Variants in RBFOX1 observed in about 807,000 individuals in gnomAD.
The protein encoded by RBFOX1 is RNA binding protein fox-1 homolog 1.
RBFOX1 carries 8 observed loss-of-function variants against 57.7 expected under a neutral mutation model. The ratio of observed to expected loss-of-function variants is 0.14; its 90% confidence interval spans 0.08 to 0.25. The LOEUF (loss-of-function observed/expected upper bound fraction) is 0.25. Among genes scored for constraint, RBFOX1 ranks in the 10% least tolerant of loss-of-function variants. The pLI, the probability that RBFOX1 is intolerant of heterozygous loss-of-function variation, is 1.00. For missense variants in RBFOX1, 611 were observed against 548.5 expected, an observed-to-expected ratio of 1.11 and a Z score of -1.14; for synonymous variants, 326 against 222.4, an observed-to-expected ratio of 1.47 and a Z score of -4.15.
At chr16:7,008,098 C>T (rs560401728) in intron 3 of RBFOX1, among the ~76,000 whole-genome samples, 169 of 152,172 alleles carry the variant, frequency 1.1e-3, no homozygotes, top group South Asian at 2.1e-3. Context: ...ACTCCTCTTG[C>T]CCTTTATTGT....
intron 2 of RBFOX1, among the ~76,000 whole-genome samples, chr16:6,540,812 CT>C (rs896275288): frequency 2.2e-4 from 33 of 151,958 alleles, no homozygotes; most frequent in Non-Finnish European, 4.0e-4. Context: ...TCTAGCTGTA[CT>C]TTTTTTTGCT....
At chr16:7,038,385 C>A (rs1194367106) in intron 3 of RBFOX1, among the ~76,000 whole-genome samples, 1 of 152,140 alleles carries the variant, frequency 6.6e-6, no homozygotes, top group African/African-American at 2.4e-5. Context: ...AAATAGAAAT[C>A]ATCTTTGTAA....
chr16:6,770,414 G>A (rs530384952), intron 3 of RBFOX1, among the ~76,000 whole-genome samples: 3 of 152,304 alleles, frequency 2.0e-5, no homozygotes, highest in African/African-American at 4.8e-5. Context: ...CTGTAATAAA[G>A]TTGTATTATG....
At chr16:5,616,792 CCTT>C (rs1372962479) in intron 3 of RBFOX1, among the ~76,000 whole-genome samples, 3 of 147,858 alleles carry the variant, frequency 2.0e-5, no homozygotes, top group Admixed American at 1.3e-4. Context: ...TCCTCTTTCT[CCTT>C]CTCCTCTCTT....
At chr16:6,981,082 G>A (rs1483911655) in intron 3 of RBFOX1, among the ~76,000 whole-genome samples, 1 of 137,928 alleles carries the variant, frequency 7.3e-6, no homozygotes, top group Non-Finnish European at 1.5e-5. Flanking sequence ...CAGGAGTGGT[G>A]AGATCCAGTA....
At chr16:6,737,660 G>A (rs1028328156) in intron 3 of RBFOX1, among the ~76,000 whole-genome samples, 1 of 152,130 alleles carries the variant, frequency 6.6e-6, no homozygotes, top group Non-Finnish European at 1.5e-5. Flanking sequence ...GTGTTAATCA[G>A]GTTCAATATA....
intron 3 of RBFOX1, among the ~76,000 whole-genome samples, chr16:6,745,889 C>T (rs1014659860): frequency 6.6e-6 from 1 of 152,088 alleles, no homozygotes; most frequent in Non-Finnish European, 1.5e-5. Context: ...TTTATGCTCT[C>T]TAAAACAGAA....
At chr16:7,308,736 A>C (rs991477431) in intron 4 of RBFOX1, among the ~76,000 whole-genome samples, 1 of 152,216 alleles carries the variant, frequency 6.6e-6, no homozygotes, top group African/African-American at 2.4e-5. Context: ...TTCTCAGTTC[A>C]GGGAATCACC....
At chr16:6,959,187 A>G (rs797010061) in intron 3 of RBFOX1, among the ~76,000 whole-genome samples, 12 of 152,284 alleles carry the variant, frequency 7.9e-5, no homozygotes, top group African/African-American at 2.6e-4. Context: ...CATCTGTGAA[A>G]TACTCGCTCG....
chr16:6,832,876 G>A (rs576351163), intron 3 of RBFOX1, among the ~76,000 whole-genome samples: 1 of 152,312 alleles, frequency 6.6e-6, no homozygotes, highest in East Asian at 1.9e-4. Flanking sequence ...GCTAGACCTT[G>A]GTTCTGGATT....
rs149684498 is a variant in RBFOX1, at chr16:5,789,642, T to C, written c.319-77661T>C. On this transcript the variant is annotated intron_variant, in intron 3 of 19. Transcript: ENST00000641259. Reference sequence around the variant, plus strand: ...TTAAGCTTTTTCCCCAGTCGTATCTTGTTCATGACTCATGACTATGCATTA... The same window carrying C: ...TTAAGCTTTTTCCCCAGTCGTATCTCGTTCATGACTCATGACTATGCATTA... Among the ~76,000 whole-genome samples, 439 of 152,324 alleles carry C rather than the reference T, an allele frequency of 2.9e-3. 5 individuals are homozygous for C. The highest frequency in any genetic ancestry group is 0.01 in the African/African-American group (421 of 41,570).
rs1477998899 is a variant in RBFOX1 at position 6,767,929 on chromosome 16, TAATAATAATAATAATAATAAGAAGAAG to T, written c.-16+113282_-16+113308del. Among the ~76,000 whole-genome samples the T allele has an allele frequency of 5.8e-3, 510 of 88,432 alleles. 1 individual carries two copies. The highest frequency in any genetic ancestry group is 0.03 in the Middle Eastern group (6 of 200). 58.0% of individuals were successfully genotyped at this position (88,432 alleles called of 152,430 possible). The stretch of plus-strand genomic sequence containing the variant: ...GACTCTATCTCAATAATAATAATAA[TAATAATAATAATAATAATAAGAAGAAG>T]AAGAAGAAGAAGAAGAAGAAGAAGA... On this transcript the variant is annotated intron_variant, in intron 3 of 15. Coordinates refer to ENST00000550418, the MANE Select transcript of RBFOX1 (RefSeq NM_018723.4).
At chr16:5,635,010 T>C (rs1452589995) in intron 3 of RBFOX1, among the ~76,000 whole-genome samples, 1 of 152,178 alleles carries the variant, frequency 6.6e-6, no homozygotes, top group East Asian at 1.9e-4. Context: ...CTGGGTCATG[T>C]GATCAGGGTC....
intron 4 of RBFOX1, among the ~76,000 whole-genome samples, chr16:7,288,475 T>G (rs528032658): frequency 2.6e-5 from 4 of 152,262 alleles, no homozygotes; most frequent in African/African-American, 9.6e-5. Flanking sequence ...TCTGGGAAGA[T>G]GAAATAAGAT....
intron 4 of RBFOX1, among the ~76,000 whole-genome samples, chr16:7,102,606 G>T (rs2062877617): frequency 6.6e-6 from 1 of 152,132 alleles, no homozygotes; most frequent in South Asian, 2.1e-4. Context: ...GATTGATTGG[G>T]TCTGACATTG....
At chr16:7,392,190 T>C (rs148751632) in intron 4 of RBFOX1, among the ~76,000 whole-genome samples, 11 of 152,324 alleles carry the variant, frequency 7.2e-5, no homozygotes, top group Non-Finnish European at 1.3e-4. Context: ...ATTTTCATAA[T>C]CATTTTCAGA....
At chr16:5,857,216 A>G (rs2057093536) in intron 3 of RBFOX1, among the ~76,000 whole-genome samples, 1 of 152,200 alleles carries the variant, frequency 6.6e-6, no homozygotes, top group South Asian at 2.1e-4. Context: ...CGAAATAGTC[A>G]GAACACACAC....
At chr16:5,876,591 GC>G (rs2057618272) in intron 4 of RBFOX1, among the ~76,000 whole-genome samples, 1 of 152,148 alleles carries the variant, frequency 6.6e-6, no homozygotes, top group Admixed American at 6.5e-5. Context: ...AGCTAAACCA[GC>G]CTCGTTGACT....
At chr16:6,040,332 A>C (rs371192992) in intron 1 of RBFOX1, among the ~76,000 whole-genome samples, 21 of 151,970 alleles carry the variant, frequency 1.4e-4, no homozygotes, top group African/African-American at 4.8e-4. Context: ...CAAAACTGAA[A>C]CTCTGTACCC....
Sources: allele counts gnomAD v4.1 joint callset (sites outside exome capture counted in the v4.1 genomes callset), GRCh38; gene constraint gnomAD v4.1.1; transcripts MANE v1.5; gene names NCBI Gene and HGNC (gene_info 2026-07-23, HGNC 2026-07-21).